Variants in INPP4B observed in about 807,000 individuals in gnomAD.
INPP4B encodes inositol polyphosphate 4-phosphatase type II.
In INPP4B, 55 loss-of-function variants were observed where a neutral mutation model predicts 122.5. The ratio of observed to expected loss-of-function variants is 0.45; its 90% confidence interval spans 0.36 to 0.56. The LOEUF is 0.56. Among genes scored for constraint, INPP4B ranks in the 20% least tolerant of loss-of-function variants. The pLI is 0.00. For missense variants in INPP4B, 1,000 were observed against 1,097.7 expected (o/e 0.91, Z 1.26); for synonymous variants, 403 against 388.7 (o/e 1.04, Z -0.43).
intron 5 of INPP4B, among the ~76,000 whole-genome samples, chr4:142,416,354 TC>T (rs1805767815): frequency 6.6e-6 from 1 of 152,058 alleles, no homozygotes; most frequent in African/African-American, 2.4e-5. Flanking sequence ...TTTTACCAAA[TC>T]CTGAGCATGC....
At chr4:142,535,549 C>T (rs190297462) in intron 2 of INPP4B, among the ~76,000 whole-genome samples, 1 of 152,236 alleles carries the variant, frequency 6.6e-6, no homozygotes, top group African/African-American at 2.4e-5. Context: ...TGCAAGAACA[C>T]TAATTGAGCT....
intron 9 of INPP4B, chr4:142,286,842 G>C (rs1397844506): frequency 2.0e-5 from 3 of 152,052 alleles, no homozygotes; most frequent in African/African-American, 4.8e-5. Context: ...TTTTGATCTT[G>C]TTTTAGCTGC....
intron 1 of INPP4B, among the ~76,000 whole-genome samples, chr4:142,789,674 A>G (rs1241402080): frequency 6.6e-6 from 1 of 152,162 alleles, no homozygotes; most frequent in Non-Finnish European, 1.5e-5. Flanking sequence ...AAAGCAATCT[A>G]TAAATTCAAT....
chr4:142,044,144 G>A (rs1749933349), intron 25 of INPP4B, among the ~76,000 whole-genome samples: 1 of 152,158 alleles, frequency 6.6e-6, no homozygotes, highest in Non-Finnish European at 1.5e-5. Context: ...ATTTAAACAT[G>A]CTAAGTTTGA....
In INPP4B at chr4:142,160,532, A is replaced by T. The variant is rs546228880; in HGVS notation, c.1389T>A (p.Asp463Glu). 10 of 1,606,774 alleles carry T rather than the reference A, an allele frequency of 6.2e-6. No homozygotes were observed. Among genetic ancestry groups the T allele is most frequent in the Admixed American group, 3.4e-5 (2 of 59,568 alleles). ...KTELFVHAFKDQLVRSALLAL... is the reference protein window; with the variant it reads ...KTELFVHAFKEQLVRSALLAL... ...CTAAAAGAGCACTCCTGACAAGTTG[A>T]TCCTTGAAGGCATGTACAAAAAGCT... The change falls in exon 17 of 26, where the codon GAT becomes GAA. Residue 463 changes from aspartate to glutamate, a missense_variant. Asp to Glu is a conservative substitution (Grantham distance 45). Transcript: ENST00000262992.
At chr4:142,349,217 T>C (rs1212419590) in intron 7 of INPP4B, among the ~76,000 whole-genome samples, 2 of 152,034 alleles carry the variant, frequency 1.3e-5, no homozygotes, top group Non-Finnish European at 2.9e-5. Flanking sequence ...CCACAGAAGA[T>C]AGGTCATTGT....
At chr4:142,164,335 G>GA (rs1433901632) in intron 16 of INPP4B, among the ~76,000 whole-genome samples, 4 of 151,786 alleles carry the variant, frequency 2.6e-5, no homozygotes, top group African/African-American at 7.3e-5. Flanking sequence ...TATTCTCGCT[G>GA]AAAAAACATT....
chr4:142,157,615 C>T (rs1031681623), intron 17 of INPP4B, among the ~76,000 whole-genome samples: 1 of 152,000 alleles, frequency 6.6e-6, no homozygotes, highest in Non-Finnish European at 1.5e-5. Flanking sequence ...TGAAGGACAA[C>T]AAGAGAAACT....
intron 2 of INPP4B, among the ~76,000 whole-genome samples, chr4:142,591,077 G>T (rs372404649): frequency 1.8e-4 from 28 of 152,090 alleles, no homozygotes; most frequent in African/African-American, 6.3e-4. Context: ...CACTTTGAGA[G>T]GCCGAGGCGG....
At chr4:142,117,962 A>T (rs905572629) in intron 21 of INPP4B, among the ~76,000 whole-genome samples, 7 of 152,216 alleles carry the variant, frequency 4.6e-5, no homozygotes, top group African/African-American at 1.7e-4. Flanking sequence ...ATACAAAATC[A>T]ATGTACAAAA....
intron 7 of INPP4B, among the ~76,000 whole-genome samples, chr4:142,335,255 A>T (rs1776204759): frequency 6.6e-6 from 1 of 152,094 alleles, no homozygotes; most frequent in Admixed American, 6.6e-5. Context: ...TCAGATTAAA[A>T]CTTGCAATAA....
intron 1 of INPP4B, among the ~76,000 whole-genome samples, chr4:142,827,135 C>T (rs1215228514): frequency 5.3e-5 from 8 of 152,152 alleles, no homozygotes; most frequent in African/African-American, 1.9e-4. Context: ...TGGTTTCACC[C>T]CACACAGCAG....
intron 2 of INPP4B, among the ~76,000 whole-genome samples, chr4:142,470,946 G>A (rs1406015654): frequency 3.9e-5 from 6 of 152,136 alleles, no homozygotes; most frequent in Admixed American, 3.9e-4. Context: ...TAATTTGATG[G>A]AATGTTAGGT....
chr4:142,298,223 G>C (rs1477932526), intron 9 of INPP4B, among the ~76,000 whole-genome samples: 9 of 152,196 alleles, frequency 5.9e-5, no homozygotes, highest in Non-Finnish European at 1.3e-4. Flanking sequence ...CCACAAAGAA[G>C]AGTTGGGACT....
At chr4:142,226,432 T>C (rs1306917874) in intron 12 of INPP4B, among the ~76,000 whole-genome samples, 3 of 152,198 alleles carry the variant, frequency 2.0e-5, no homozygotes, top group Non-Finnish European at 4.4e-5. Flanking sequence ...CATATCATGA[T>C]TATGGAATAA....
At chr4:142,506,301 C>T (rs1234387660) in intron 2 of INPP4B, among the ~76,000 whole-genome samples, 2 of 152,082 alleles carry the variant, frequency 1.3e-5, no homozygotes, top group East Asian at 3.9e-4. Context: ...AGGTGCCAGA[C>T]ACTCCCACCC....
intron 2 of INPP4B, among the ~76,000 whole-genome samples, chr4:142,671,411 TGA>T (rs1428146184): frequency 6.6e-6 from 1 of 152,160 alleles, no homozygotes; most frequent in East Asian, 1.9e-4. Context: ...AAATGGATTC[TGA>T]AACACACTGT....
At chr4:142,280,536 G>GT (rs1750719051) in intron 9 of INPP4B, among the ~76,000 whole-genome samples, 1 of 151,916 alleles carries the variant, frequency 6.6e-6, no homozygotes, top group Non-Finnish European at 1.5e-5. Context: ...AGGGGTTGGT[G>GT]TGGGTGTGAA....
At chr4:142,126,267 C>A (rs1426513882) in intron 18 of INPP4B, among the ~76,000 whole-genome samples, 1 of 152,082 alleles carries the variant, frequency 6.6e-6, no homozygotes, top group East Asian at 1.9e-4. Context: ...ATGATATGAT[C>A]TCCTCATCAT....
Sources: gnomAD v4.1 joint callset for allele counts (sites outside exome capture counted in the v4.1 genomes callset) on GRCh38, gnomAD v4.1.1 for gene constraint, MANE v1.5 for transcripts, NCBI Gene and HGNC (gene_info 2026-07-23, HGNC 2026-07-21) for gene names.